The following CDH12 variants were observed in gnomAD, a reference collection of about 807,000 sequenced individuals.
CDH12 encodes the protein cadherin-12.
Under a neutral mutation model 74.1 loss-of-function variants are expected in CDH12, and 41 were observed. The ratio of observed to expected loss-of-function variants is 0.55; its 90% confidence interval spans 0.43 to 0.72. The LOEUF (loss-of-function observed/expected upper bound fraction) is 0.72. CDH12 is among the 30% of genes least tolerant of loss of function. The pLI is 0.00. For synonymous variants in CDH12, 399 were observed against 355.0 expected (o/e 1.12, Z -1.39); for missense variants, 945 against 977.2 (o/e 0.97, Z 0.44).
At chr5:22,141,013 C>T (rs1746759651) in intron 4 of CDH12, among the ~76,000 whole-genome samples, 2 of 152,270 alleles carry the variant, frequency 1.3e-5, no homozygotes, top group South Asian at 2.1e-4. Flanking sequence ...AAAACCTTTC[C>T]TCCTAGTGGA....
intron 12 of CDH12, among the ~76,000 whole-genome samples, chr5:21,761,995 A>G (rs1744751996): frequency 6.6e-6 from 1 of 152,148 alleles, no homozygotes; most frequent in South Asian, 2.1e-4. Flanking sequence ...TAGTCAATGA[A>G]TCAACATACA....
At chr5:22,465,749 GCA>G (rs1745701730) in intron 2 of CDH12, among the ~76,000 whole-genome samples, 2 of 152,102 alleles carry the variant, frequency 1.3e-5, no homozygotes, top group African/African-American at 4.8e-5. Context: ...TCAGTAAATG[GCA>G]TGATCATGCA....
At chr5:21,932,760 G>A (rs1754900476) in intron 6 of CDH12, among the ~76,000 whole-genome samples, 1 of 151,132 alleles carries the variant, frequency 6.6e-6, no homozygotes, top group African/African-American at 2.4e-5. Context: ...TTAGCTGGGT[G>A]TCATGGCACA....
At chr5:22,066,889 T>C (rs965258626) in intron 5 of CDH12, among the ~76,000 whole-genome samples, 1 of 152,158 alleles carries the variant, frequency 6.6e-6, no homozygotes, top group Non-Finnish European at 1.5e-5. Flanking sequence ...AGGTGGTGAC[T>C]CCAACTGCAA....
rs112196169 is a variant in CDH12, at chr5:21,887,369, T to C, written c.527-32579A>G. 5.3e-3 allele frequency among the ~76,000 whole-genome samples: 808 copies of C among 152,286 alleles called. 13 individuals are homozygous for C. The highest frequency in any genetic ancestry group is 0.019 in the African/African-American group (772 of 41,568). Reference sequence around the variant, plus strand: ...ATGCATGACTATAATATCAAAGCTATAACAAATTTAATATTATAAGAAAGT... The same window carrying C: ...ATGCATGACTATAATATCAAAGCTACAACAAATTTAATATTATAAGAAAGT... On this transcript the variant is annotated intron_variant, in intron 6 of 14. Transcript: ENST00000382254.
At chr5:22,405,459 AC>A (rs549190828) in intron 2 of CDH12, 108 bp from the exon 3 acceptor site, 224 of 167,632 alleles carry the variant, frequency 1.3e-3, no homozygotes, top group Middle Eastern at 0.013. Flanking sequence ...TCTCTATGAA[AC>A]TTTGAAATCT....
At chr5:22,473,958 G>A (rs551498250) in intron 2 of CDH12, among the ~76,000 whole-genome samples, 2 of 152,096 alleles carry the variant, frequency 1.3e-5, no homozygotes, top group East Asian at 1.9e-4. Context: ...TAGATAATTT[G>A]AATAACTGGC....
chr5:22,727,916 T>C (rs536178449), intron 1 of CDH12, among the ~76,000 whole-genome samples: 83 of 151,814 alleles, frequency 5.5e-4, no homozygotes, highest in Non-Finnish European at 1.0e-3. Flanking sequence ...TAGCTGTGAA[T>C]TTCCTTGAAT....
At position 22,273,691 on chromosome 5, in the gene CDH12, T is replaced by C. The variant is rs111533734; in HGVS notation, c.-332-61048A>G. On this transcript the variant is annotated intron_variant, in intron 3 of 14. Coordinates refer to ENST00000382254, the MANE Select transcript of CDH12 (RefSeq NM_004061.5). ...ACTTCCACTTCTCAGACTGAGCTGGTAAAGTTATCAAAATGTGTTGCTTTG... is the reference window on the plus strand; with the variant it reads ...ACTTCCACTTCTCAGACTGAGCTGGCAAAGTTATCAAAATGTGTTGCTTTG... 4.6e-3 allele frequency among the ~76,000 whole-genome samples: 699 copies of C among 152,284 alleles called. 8 individuals carry two copies. The highest frequency in any genetic ancestry group is 8.9e-3 in the South Asian group (43 of 4,830).
At chr5:22,732,982 A>G (rs1744509351) in intron 1 of CDH12, among the ~76,000 whole-genome samples, 1 of 151,954 alleles carries the variant, frequency 6.6e-6, no homozygotes, top group African/African-American at 2.4e-5. Flanking sequence ...TTTTTTATAA[A>G]ATGAATACTT....
chr5:22,154,664 A>C (rs1157804750), intron 4 of CDH12, among the ~76,000 whole-genome samples: 1 of 146,034 alleles, frequency 6.8e-6, no homozygotes, highest in Non-Finnish European at 1.6e-5. Context: ...ATATATAATA[A>C]TAATAATATC....
At chr5:22,762,798 G>T (rs1746296417) in intron 1 of CDH12, among the ~76,000 whole-genome samples, 1 of 151,850 alleles carries the variant, frequency 6.6e-6, no homozygotes, top group African/African-American at 2.4e-5. Context: ...TAGGACCATG[G>T]TTATCTTATC....
intron 1 of CDH12, among the ~76,000 whole-genome samples, chr5:22,551,258 C>G (rs964037288): frequency 1.7e-4 from 26 of 152,110 alleles, no homozygotes; most frequent in African/African-American, 5.8e-4. Flanking sequence ...CATGTGTAAA[C>G]CAGGTAGATT....
At chr5:22,800,166 C>A (rs530317688) in intron 1 of CDH12, among the ~76,000 whole-genome samples, 1 of 152,072 alleles carries the variant, frequency 6.6e-6, no homozygotes, top group Non-Finnish European at 1.5e-5. Flanking sequence ...GACATAAATA[C>A]TATTATGAAT....
rs567924680 is a variant in CDH12, at chr5:22,814,870, T to C, written c.-523+38188A>G. ...AAAATAAAGAGTATGTATAAATGAG[T>C]GGCATTTGTTAAAAAGGAGTTTTTT... On this transcript the variant is annotated intron_variant, in intron 1 of 14. Transcript: ENST00000382254. Among the ~76,000 whole-genome samples the C allele has an allele frequency of 1.4e-4, 21 of 152,254 alleles. No homozygotes were observed. The South Asian group carries it at 4.4e-3, about 32-fold the overall frequency.
intron 2 of CDH12, among the ~76,000 whole-genome samples, chr5:22,458,886 G>A (rs1745395648): frequency 6.6e-6 from 1 of 151,958 alleles, no homozygotes; most frequent in Non-Finnish European, 1.5e-5. Flanking sequence ...AACAATACTG[G>A]TTTGGGGTTT....
intron 8 of CDH12, among the ~76,000 whole-genome samples, chr5:21,838,567 C>CA (rs577340777): frequency 6.6e-6 from 1 of 151,936 alleles, no homozygotes; most frequent in Non-Finnish European, 1.5e-5. Flanking sequence ...CTCAAAAAAA[C>CA]AAAAACAAAA....
intron 2 of CDH12, among the ~76,000 whole-genome samples, chr5:22,424,734 C>T (rs1436588370): frequency 2.6e-5 from 4 of 152,032 alleles, no homozygotes; most frequent in African/African-American, 7.3e-5. Context: ...CCTTGCTCTA[C>T]CTTATATAGT....
At chr5:22,466,138 G>T (rs1361184698) in intron 2 of CDH12, among the ~76,000 whole-genome samples, 2 of 152,120 alleles carry the variant, frequency 1.3e-5, no homozygotes, top group Admixed American at 6.5e-5. Flanking sequence ...TTGCTTTAGG[G>T]TCTGGAAACA....
Sources: allele counts gnomAD v4.1 joint callset (sites outside exome capture counted in the v4.1 genomes callset), GRCh38; gene constraint gnomAD v4.1.1; transcripts MANE v1.5; gene names NCBI Gene and HGNC (gene_info 2026-07-23, HGNC 2026-07-21).